The following NRXN3 variants were observed in gnomAD, a reference collection of about 807,000 sequenced individuals.
The protein encoded by NRXN3 is neurexin 3.
NRXN3 carries 32 observed loss-of-function variants against 137.6 expected under a neutral mutation model. The observed-to-expected ratio is 0.23, with a 90% CI of 0.18 to 0.31. NRXN3 has a LOEUF of 0.31. Among genes scored for constraint, NRXN3 ranks in the 10% least tolerant of loss-of-function variants. The probability of loss-of-function intolerance (pLI) is 1.00; values close to 1 mark genes in which losing one functional copy is unlikely to be tolerated. For missense variants in NRXN3, 1,574 were observed against 2,062.5 expected, an observed-to-expected ratio of 0.76 and a Z score of 4.59; for synonymous variants, 798 against 784.5, an observed-to-expected ratio of 1.02 and a Z score of -0.29.
intron 15 of NRXN3, among the ~76,000 whole-genome samples, chr14:79,441,415 T>C (rs968698070): frequency 7.3e-6 from 1 of 137,764 alleles, no homozygotes; most frequent in African/African-American, 2.7e-5. Flanking sequence ...AGTCTCGCTC[T>C]GTTGTCCAGG....
At chr14:78,949,927 G>T (rs1181581827) in intron 10 of NRXN3, among the ~76,000 whole-genome samples, 14 of 152,130 alleles carry the variant, frequency 9.2e-5, no homozygotes, top group Non-Finnish European at 2.1e-4. Context: ...TGTATTAGGG[G>T]ATGGTAGGCA....
At chr14:79,781,807 A>C (rs2099114824) in intron 19 of NRXN3, among the ~76,000 whole-genome samples, 1 of 152,178 alleles carries the variant, frequency 6.6e-6, no homozygotes, top group African/African-American at 2.4e-5. Flanking sequence ...AAGGTCCAAG[A>C]TTATTCTTAT....
At chr14:78,238,030 T>C (rs1338972845) in intron 1 of NRXN3, among the ~76,000 whole-genome samples, 3 of 151,806 alleles carry the variant, frequency 2.0e-5, no homozygotes, top group African/African-American at 7.3e-5. Context: ...CTCCAGGCAG[T>C]TGGAAAAGGG....
chr14:79,590,943 G>T (rs147546663), intron 16 of NRXN3, among the ~76,000 whole-genome samples: 2 of 152,124 alleles, frequency 1.3e-5, no homozygotes, highest in East Asian at 1.9e-4. Flanking sequence ...TCTTTCTAAG[G>T]TCTCTCAGAA....
At position 79,001,999 on chromosome 14, in the gene NRXN3, A is replaced by T. The variant is rs368564098; in HGVS notation, c.3262+13858A>T. 4.9e-4 allele frequency among the ~76,000 whole-genome samples: 75 copies of T among 152,302 alleles called. No homozygotes were observed. In the East Asian group the frequency reaches 0.013, roughly 27 times the overall value. On this transcript the variant is annotated intron_variant, in intron 15 of 20. Coordinates refer to ENST00000335750, the MANE Select transcript of NRXN3 (RefSeq NM_001330195.2). ...ATAAAGCAAGTAGGATTTTGAGTAG[A>T]TTATCATTTTTGTTGTGTATTCACC...
chr14:78,813,307 C>T (rs1030841440), intron 10 of NRXN3, among the ~76,000 whole-genome samples: 6 of 152,120 alleles, frequency 3.9e-5, no homozygotes, highest in Non-Finnish European at 8.8e-5. Flanking sequence ...TTATTGACTC[C>T]ATGTCAGATT....
intron 15 of NRXN3, among the ~76,000 whole-genome samples, chr14:79,117,732 C>T (rs1400190017): frequency 1.3e-5 from 2 of 152,184 alleles, no homozygotes; most frequent in East Asian, 3.9e-4. Flanking sequence ...TCTCTTCCAG[C>T]ATTTGTCAGA....
At chr14:78,400,239 T>A (rs948571232) in intron 4 of NRXN3, among the ~76,000 whole-genome samples, 7 of 152,114 alleles carry the variant, frequency 4.6e-5, no homozygotes, top group African/African-American at 1.7e-4. Flanking sequence ...AGCCAAGAAG[T>A]AGTAGTTATT....
At chr14:79,405,782 A>G (rs1158107415) in intron 15 of NRXN3, among the ~76,000 whole-genome samples, 1 of 152,148 alleles carries the variant, frequency 6.6e-6, no homozygotes, top group Admixed American at 6.5e-5. Flanking sequence ...CATGTAATTC[A>G]TACTTTATGA....
At chr14:78,646,433 T>G (rs1031792842) in intron 5 of NRXN3, among the ~76,000 whole-genome samples, 1 of 152,222 alleles carries the variant, frequency 6.6e-6, no homozygotes, top group Non-Finnish European at 1.5e-5. Context: ...CAGAAAACAC[T>G]ATACTTTCTG....
intron 15 of NRXN3, among the ~76,000 whole-genome samples, chr14:79,085,711 T>A (rs964497615): frequency 2.0e-5 from 3 of 152,142 alleles, no homozygotes; most frequent in African/African-American, 7.2e-5. Flanking sequence ...TAGAATTAGA[T>A]GGCGAGAAGA....
chr14:79,193,865 G>C (rs1368082117), intron 15 of NRXN3, among the ~76,000 whole-genome samples: 1 of 152,160 alleles, frequency 6.6e-6, no homozygotes, highest in Non-Finnish European at 1.5e-5. Context: ...GTTTACCTCT[G>C]ACTAGCGCTG....
chr14:79,343,743 T>C (rs1476153523), intron 15 of NRXN3, among the ~76,000 whole-genome samples: 1 of 152,222 alleles, frequency 6.6e-6, no homozygotes, highest in Non-Finnish European at 1.5e-5. Context: ...TTCAAATATT[T>C]CCTTCAAATT....
rs535669445 is a variant in NRXN3 at position 79,852,989 on chromosome 14, T to C, written c.4094-8353T>C. Among the ~76,000 whole-genome samples the C allele has an allele frequency of 1.6e-4, 25 of 152,250 alleles. 1 individual carries two copies. The South Asian group carries it at 5.2e-3, about 32-fold the overall frequency. On this transcript the variant is annotated intron_variant, in intron 20 of 20. Coordinates refer to ENST00000335750, the MANE Select transcript of NRXN3 (RefSeq NM_001330195.2). ...TTTTCTGCAGTTTTTCCCCACTCCC[T>C]CTTTAAATGTGGAACAACTTCAGCT...
chr14:79,397,140 A>AT (rs200249365), intron 15 of NRXN3, among the ~76,000 whole-genome samples: 17 of 151,372 alleles, frequency 1.1e-4, no homozygotes, highest in South Asian at 1.0e-3. Flanking sequence ...TCTCTTTTAC[A>AT]TTTTTTTTTC....
chr14:79,767,223 T>A (rs1317226162), intron 19 of NRXN3, among the ~76,000 whole-genome samples: 1 of 152,220 alleles, frequency 6.6e-6, no homozygotes, highest in African/African-American at 2.4e-5. Context: ...CCAGCCCTAC[T>A]GGGGCCCATT....
intron 15 of NRXN3, among the ~76,000 whole-genome samples, chr14:79,059,440 G>A (rs1218880498): frequency 6.6e-6 from 1 of 151,818 alleles, no homozygotes; most frequent in Non-Finnish European, 1.5e-5. Context: ...TGTATTTTTA[G>A]TAGAGACGGG....
At chr14:78,741,220 A>G (rs2098569066) in intron 8 of NRXN3, among the ~76,000 whole-genome samples, 1 of 152,178 alleles carries the variant, frequency 6.6e-6, no homozygotes, top group South Asian at 2.1e-4. Context: ...TCCTCATTTT[A>G]TATCCATGCT....
At chr14:78,634,495 G>A (rs1287299226) in intron 4 of NRXN3, among the ~76,000 whole-genome samples, 1 of 152,168 alleles carries the variant, frequency 6.6e-6, no homozygotes. Context: ...TTATTGGGCG[G>A]TTAGACGTTT....
Sources: allele counts gnomAD v4.1 joint callset (sites outside exome capture counted in the v4.1 genomes callset), GRCh38; gene constraint gnomAD v4.1.1; transcripts MANE v1.5; gene names NCBI Gene and HGNC (gene_info 2026-07-23, HGNC 2026-07-21).